The following KIF26B variants were observed in gnomAD, a reference collection of about 807,000 sequenced individuals.
KIF26B encodes the protein kinesin-like protein KIF26B.
KIF26B carries 63 observed loss-of-function variants against 151.2 expected under a neutral mutation model. The ratio of observed to expected loss-of-function variants is 0.42; its 90% CI spans 0.34 to 0.51. The LOEUF is 0.51. KIF26B is among the 20% of genes least tolerant of loss of function. The pLI is 0.07. For missense variants in KIF26B, 2,813 were observed against 2,913.6 expected, an observed-to-expected ratio of 0.97 and a Z score of 0.79; for synonymous variants, 1,357 against 1,262.1, an observed-to-expected ratio of 1.08 and a Z score of -1.59.
At position 245,375,514 on chromosome 1, in the gene KIF26B, T is replaced by C. The variant is rs556957727; in HGVS notation, c.999+8147T>C. ...GTCAGAGAGGAGAGAGATACAAATC[T>C]GTTGGCTTTGATGATGGAAGAAGGA... is the stretch of plus-strand genomic sequence containing the variant. On this transcript the variant is annotated intron_variant, in intron 3 of 14. Transcript: ENST00000407071. The surrounding 1 kb of genome is among the most constrained non-coding windows in gnomAD (Gnocchi z 4.2). Among the ~76,000 whole-genome samples the C allele has an allele frequency of 6.6e-6, 1 of 152,228 alleles. No homozygotes were observed. The highest frequency in any genetic ancestry group is 2.1e-4 in the South Asian group (1 of 4,816).
intron 2 of KIF26B, among the ~76,000 whole-genome samples, chr1:245,207,795 A>G (rs1192782144): frequency 6.6e-6 from 1 of 152,158 alleles, no homozygotes; most frequent in Non-Finnish European, 1.5e-5. Flanking sequence ...ATCGTTTTTC[A>G]CACCATCATC....
chr1:245,657,910 C>T (rs548343159), intron 10 of KIF26B, among the ~76,000 whole-genome samples: 1 of 152,266 alleles, frequency 6.6e-6, no homozygotes, highest in Non-Finnish European at 1.5e-5. Flanking sequence ...AATCTGTGTG[C>T]CCACCACCCA....
chr1:245,498,584 T>C (rs1465315696), intron 4 of KIF26B, among the ~76,000 whole-genome samples: 2 of 152,228 alleles, frequency 1.3e-5, no homozygotes, highest in Non-Finnish European at 2.9e-5. Context: ...CACTCAATCA[T>C]GTATACTGAG....
At chr1:245,272,999 T>C (rs1004614237) in intron 2 of KIF26B, among the ~76,000 whole-genome samples, 1 of 152,224 alleles carries the variant, frequency 6.6e-6, no homozygotes, top group Admixed American at 6.5e-5. Context: ...CTGCTGCTTT[T>C]GGGTGAAATG....
At chr1:245,542,280 G>T (rs1039960174) in intron 5 of KIF26B, among the ~76,000 whole-genome samples, 4 of 152,382 alleles carry the variant, frequency 2.6e-5, no homozygotes, top group Admixed American at 2.6e-4. Context: ...TTGAGCCCAG[G>T]AGTTAGAGGC....
rs766865253 is a variant in KIF26B at position 245,687,166 on chromosome 1, C to T, written c.4183C>T (p.Pro1395Ser). The part of the protein sequence containing the change: ...IPMKTNITVY[P>S]CIAMSPRNIQ... ...CATGAAGACCAATATCACAGTTTACCCCTGCATTGCCATGAGCCCCCGGAA... is the reference window on the plus strand; with the variant it reads ...CATGAAGACCAATATCACAGTTTACTCCTGCATTGCCATGAGCCCCCGGAA... The change falls in exon 12 of 15, where the codon CCC becomes TCC. Residue 1395 changes from proline (P) to serine (S), a missense_variant. Pro to Ser is a moderately conservative substitution (Grantham distance 74). Around this residue, in one of 3 missense-constraint regions of KIF26B, gnomAD observed 2,060 missense variants for 2,088.6 expected, o/e 0.99. Transcript: ENST00000407071. This position sits in a 1 kb window ranked among gnomAD's most constrained non-coding sequence, Gnocchi z 4.9. 1 of 1,613,026 alleles carries T rather than the reference C, an allele frequency of 6.2e-7. No homozygotes were observed. Among genetic ancestry groups the T allele is most frequent in the Non-Finnish European group, 8.5e-7 (1 of 1,179,728 alleles).
At position 245,155,039 on chromosome 1, in the gene KIF26B, T is replaced by C; in HGVS notation, c.-386T>C. On this transcript the variant is annotated 5_prime_UTR_variant, in exon 1 of 15. Transcript: ENST00000407071. The stretch of plus-strand genomic sequence containing the variant: ...TCCCACAGCTGACTCGGCTCGGCTC[T>C]CCCACCTTCCCGGCAGCGGCCGCGA... 3 of 453,420 alleles carry C rather than the reference T, an allele frequency of 6.6e-6. No homozygotes were observed. The highest frequency in any genetic ancestry group is 1.1e-5 in the Non-Finnish European group (3 of 262,576). The allele number at this position is 453,420 out of a possible 1,614,324, so 28.1% of individuals were successfully genotyped here. A position where few individuals can be genotyped will look rare whatever the true frequency, so the allele number is the denominator to read the frequency against.
intron 1 of KIF26B, 58 bp downstream of exon 1, chr1:245,155,545 C>T: frequency 7.0e-7 from 1 of 1,437,524 alleles, no homozygotes; most frequent in Non-Finnish European, 9.6e-7. Context: ...GGCGGAGGTC[C>T]CCCTTTCCCC....
At chr1:245,180,600 AAG>A (rs1668888663) in intron 2 of KIF26B, among the ~76,000 whole-genome samples, 1 of 152,028 alleles carries the variant, frequency 6.6e-6, no homozygotes, top group Admixed American at 6.5e-5. Flanking sequence ...CCAGTCCTTT[AAG>A]AGAGGGGATT....
Position 245,646,177 on chromosome 1 carries a change from C to T in KIF26B, c.2155C>T (p.Leu719Phe). The T allele has an allele frequency of 6.2e-7, 1 of 1,613,992 alleles. No homozygotes were observed. Among genetic ancestry groups the T allele is most frequent in the Non-Finnish European group, 8.5e-7 (1 of 1,179,888 alleles). The change falls in exon 10 of 15, where the codon CTT (leucine) becomes TTT (phenylalanine). Residue 719 changes from leucine (L) to phenylalanine (F), a missense_variant. Leu to Phe is a conservative substitution (Grantham distance 22). Transcript: ENST00000407071. The stretch of plus-strand genomic sequence containing the variant: ...TGATCTCGGCAGCTGTGTGAAAGCT[C>T]TTAGCAAAAATCGAGAAGGAGGCTC... ...LIDLGSCVKALSKNREGGSGL... is the reference protein window; with the variant it reads ...LIDLGSCVKAFSKNREGGSGL...
intron 4 of KIF26B, among the ~76,000 whole-genome samples, chr1:245,437,273 C>G (rs1380819285): frequency 6.6e-6 from 1 of 152,158 alleles, no homozygotes. Flanking sequence ...CTCTCTCTGC[C>G]GAGCTCCCGT....
chr1:245,227,924 C>T lies in KIF26B; in HGVS notation c.465+71241C>T, dbSNP rs1669909491. Among the ~76,000 whole-genome samples, 1 of 151,926 alleles carries T rather than the reference C, an allele frequency of 6.6e-6. No individual in the cohort carries two copies. Among genetic ancestry groups the T allele is most frequent in the Non-Finnish European group, 1.5e-5 (1 of 67,946 alleles). On this transcript the variant is annotated intron_variant, in intron 2 of 14. Transcript: ENST00000407071. This position sits in a 1 kb window ranked among gnomAD's most constrained non-coding sequence, Gnocchi z 4.1. ...GGCTGAGGCAGGAGAATCGCTTGAACCCGGGAGGCGGAGGTTGCAGTGAGC... is the reference window on the plus strand; with the variant it reads ...GGCTGAGGCAGGAGAATCGCTTGAATCCGGGAGGCGGAGGTTGCAGTGAGC...
rs1670965176 is a variant in KIF26B, at chr1:245,277,777, A to G, written c.466-89057A>G. Among the ~76,000 whole-genome samples, 2 of 152,046 alleles carry G rather than the reference A, an allele frequency of 1.3e-5. 1 individual carries two copies. The highest frequency in any genetic ancestry group is 3.9e-4 in the East Asian group (2 of 5,154). ...TGCAGCAGTGTCTGCAGTCATGGTG[A>G]CTGGGAAGTGGGAAGGGGGCTTGGA... On this transcript the variant is annotated intron_variant, in intron 2 of 14. Coordinates refer to ENST00000407071, the MANE Select transcript of KIF26B (RefSeq NM_018012.4).
chr1:245,623,969 G>A (rs1270128775), intron 9 of KIF26B, among the ~76,000 whole-genome samples: 1 of 152,094 alleles, frequency 6.6e-6, no homozygotes, highest in Non-Finnish European at 1.5e-5. Flanking sequence ...GGACCTGGTG[G>A]GAGGTGATTA....
At chr1:245,242,840 C>T (rs539431986) in intron 2 of KIF26B, among the ~76,000 whole-genome samples, 3 of 152,152 alleles carry the variant, frequency 2.0e-5, no homozygotes, top group Non-Finnish European at 4.4e-5. Flanking sequence ...TTAGCAGAGA[C>T]GGGGTTTCAC....
intron 3 of KIF26B, among the ~76,000 whole-genome samples, chr1:245,397,281 T>A (rs1448634124): frequency 1.3e-5 from 2 of 151,564 alleles, no homozygotes; most frequent in Non-Finnish European, 2.9e-5. Context: ...AATGGCATGA[T>A]CCCAGTTTAC....
chr1:245,544,018 G>A (rs1391664913), intron 5 of KIF26B, among the ~76,000 whole-genome samples: 1 of 152,142 alleles, frequency 6.6e-6, no homozygotes, highest in Non-Finnish European at 1.5e-5. Flanking sequence ...CAGAGCATCT[G>A]GTTCTTCCAT....
intron 2 of KIF26B, among the ~76,000 whole-genome samples, chr1:245,356,018 C>A (rs796419725): frequency 6.6e-5 from 10 of 152,290 alleles, no homozygotes; most frequent in African/African-American, 2.4e-4. Context: ...GATTCCAGAG[C>A]CCGGCTCCCC....
chr1:245,505,986 A>G (rs956410263), intron 4 of KIF26B, among the ~76,000 whole-genome samples: 1 of 152,312 alleles, frequency 6.6e-6, no homozygotes, highest in South Asian at 2.1e-4. Context: ...ATTCGTTTAG[A>G]GTTTTTCATT....
Sources: gnomAD v4.1 joint callset for allele counts (sites outside exome capture counted in the v4.1 genomes callset) on GRCh38, gnomAD v4.1.1 for gene constraint, gnomAD v4.1.1 regional missense constraint, Gnocchi (gnomAD v3.1) non-coding constraint, MANE v1.5 for transcripts, NCBI Gene and HGNC (gene_info 2026-07-23, HGNC 2026-07-21) for gene names.